Variants in DYNLT2B observed in about 807,000 individuals in gnomAD.
DYNLT2B encodes the protein dynein light chain Tctex-type protein 2B.
DYNLT2B carries 14 observed loss-of-function variants against 19.5 expected under a neutral mutation model. That is an observed-to-expected ratio of 0.72 (90% confidence interval 0.47 to 1.12). DYNLT2B has a LOEUF of 1.12. Ranked by LOEUF, DYNLT2B falls within the 50% of genes most tolerant of loss-of-function variation. The probability of loss-of-function intolerance (pLI) is 0.00; values close to 1 mark genes in which losing one functional copy is unlikely to be tolerated. For missense variants in DYNLT2B, 133 were observed against 174.7 expected, an observed-to-expected ratio of 0.76 and a Z score of 1.35; for synonymous variants, 70 against 59.7, an observed-to-expected ratio of 1.17 and a Z score of -0.79.
intron 3 of DYNLT2B, chr3:196,298,091 T>A (rs1726266594): frequency 3.4e-6 from 1 of 291,210 alleles, no homozygotes; most frequent in African/African-American, 2.2e-5. Context: ...TTCTGCAATG[T>A]CTCCTTTCCA....
intron 2 of DYNLT2B, among the ~76,000 whole-genome samples, chr3:196,313,874 G>C: frequency 6.6e-6 from 1 of 152,056 alleles, no homozygotes; most frequent in East Asian, 1.9e-4. Context: ...GAGGCGGACG[G>C]ATCACCTGAG....
intron 3 of DYNLT2B, among the ~76,000 whole-genome samples, chr3:196,303,697 C>A (rs1364842176): frequency 1.3e-5 from 2 of 151,970 alleles, no homozygotes; most frequent in Admixed American, 6.6e-5. Flanking sequence ...AAACTGTTAC[C>A]GCCAAGAAGA....
chr3:196,315,994 C>G, intron 2 of DYNLT2B, 104 bp downstream of exon 2: 1 of 1,315,476 alleles, frequency 7.6e-7, no homozygotes, highest in Non-Finnish European at 1.0e-6. Context: ...CGTGAGCCAC[C>G]ACACCTGGCC....
intron 3 of DYNLT2B, 145 bp from the exon 4 acceptor site, chr3:196,296,214 G>A: frequency 1.5e-6 from 1 of 685,706 alleles, no homozygotes; most frequent in East Asian, 2.7e-5. Flanking sequence ...ACAGAGTATT[G>A]TATTTGTACC....
intron 2 of DYNLT2B, 96 bp downstream of exon 2, chr3:196,316,002 G>A: frequency 7.3e-7 from 1 of 1,371,802 alleles, no homozygotes; most frequent in Non-Finnish European, 9.9e-7. Context: ...ACCACACCTG[G>A]CCCCAATGTC....
intron 3 of DYNLT2B, among the ~76,000 whole-genome samples, chr3:196,299,608 G>A (rs549900869): frequency 2.6e-5 from 4 of 152,102 alleles, no homozygotes; most frequent in South Asian, 2.1e-4. Flanking sequence ...AGAACTGAGC[G>A]TATCACATGG....
At chr3:196,306,836 C>A (rs1038572463) in intron 3 of DYNLT2B, 107 bp downstream of exon 3, 1 of 998,510 alleles carries the variant, frequency 1.0e-6, no homozygotes, top group Non-Finnish European at 1.5e-6. Context: ...CCATCACACC[C>A]GGCCCTTCTC....
intron 3 of DYNLT2B, chr3:196,297,913 C>A (rs77197147): frequency 1.1e-4 from 17 of 153,038 alleles, no homozygotes; most frequent in Non-Finnish European, 2.3e-4. Flanking sequence ...AGCCTACTAT[C>A]GCAGGGCATA....
rs754066002 is a variant in DYNLT2B, at chr3:196,318,138, G to A, written c.15C>T (p.Ile5=). Residue 5 remains isoleucine (I), a synonymous_variant, in exon 1 of 5, where the codon ATC becomes ATT. Coordinates refer to ENST00000325318, the MANE Select transcript of DYNLT2B (RefSeq NM_152773.5). The part of the protein sequence containing the change: MATS[I]GVSFSVGDGV... Reference sequence around the variant, plus strand: ...CGTCGCCCACCGAGAAGGACACTCCGATGGACGTGGCCATGCCGGGGCTTC... The same window carrying A: ...CGTCGCCCACCGAGAAGGACACTCCAATGGACGTGGCCATGCCGGGGCTTC... 1.3e-6 allele frequency: 2 copies of A among 1,541,606 alleles called. No individual in the cohort carries two copies. The highest frequency in any genetic ancestry group is 1.4e-5 in the African/African-American group (1 of 70,404).
chr3:196,316,916 T>TGTGTGTGTGTTGTGTG lies in DYNLT2B; in HGVS notation c.114-686_114-685insCACACAACACACACAC, dbSNP rs1726826416. ...GTGTGTGTGTGTGTGTGTTGTGTGG[T>TGTGTGTGTGTTGTGTG]GTGTGTGTGTGTTGTGTGGTGTGTG... On this transcript the variant is annotated intron_variant, in intron 1 of 4. Transcript: ENST00000325318. Among the ~76,000 whole-genome samples the TGTGTGTGTGTTGTGTG allele has an allele frequency of 8.8e-5, 12 of 137,080 alleles. 2 individuals are homozygous for TGTGTGTGTGTTGTGTG. In the South Asian group the frequency reaches 1.6e-3, roughly 18 times the overall value. 89.9% of individuals were successfully genotyped at this position (137,080 alleles called of 152,430 possible).
At chr3:196,313,623 TA>T (rs1221519593) in intron 2 of DYNLT2B, among the ~76,000 whole-genome samples, 1 of 152,182 alleles carries the variant, frequency 6.6e-6, no homozygotes, top group African/African-American at 2.4e-5. Context: ...GAACCTTCAT[TA>T]AAAAGTCTAA....
intron 2 of DYNLT2B, among the ~76,000 whole-genome samples, chr3:196,310,807 C>G (rs766375320): frequency 1.3e-4 from 20 of 152,042 alleles, no homozygotes; most frequent in Non-Finnish European, 2.9e-4. Flanking sequence ...GCGATCTCGG[C>G]TCACTGCAAC....
intron 3 of DYNLT2B, among the ~76,000 whole-genome samples, chr3:196,305,066 TAG>T (rs1726451733): frequency 6.6e-6 from 1 of 151,906 alleles, no homozygotes; most frequent in African/African-American, 2.4e-5. Flanking sequence ...TATTTTTTTG[TAG>T]AGACAGAGTT....
intron 1 of DYNLT2B, among the ~76,000 whole-genome samples, chr3:196,316,454 T>G (rs1726796031): frequency 6.6e-6 from 1 of 152,146 alleles, no homozygotes; most frequent in Non-Finnish European, 1.5e-5. Flanking sequence ...ATGCTCCATA[T>G]GAATGTTTAT....
intron 2 of DYNLT2B, among the ~76,000 whole-genome samples, chr3:196,311,221 C>G (rs1726632893): frequency 6.6e-6 from 1 of 151,816 alleles, no homozygotes; most frequent in African/African-American, 2.4e-5. Context: ...AAGGAAGAAG[C>G]CTGGGCAAAA....
intron 2 of DYNLT2B, among the ~76,000 whole-genome samples, chr3:196,309,326 C>T (rs533851569): frequency 2.6e-5 from 4 of 152,052 alleles, no homozygotes; most frequent in East Asian, 1.9e-4. Flanking sequence ...AGTGCAATGG[C>T]GTGATCTCAG....
chr3:196,302,854 G>A (rs973506922), intron 3 of DYNLT2B, among the ~76,000 whole-genome samples: 7 of 152,070 alleles, frequency 4.6e-5, no homozygotes, highest in African/African-American at 1.2e-4. Context: ...ATTCCTGGGC[G>A]TAGGCTGAAC....
At chr3:196,306,261 AAAAAG>A (rs1195821817) in intron 3 of DYNLT2B, among the ~76,000 whole-genome samples, 119 of 150,292 alleles carry the variant, frequency 7.9e-4, no homozygotes, top group African/African-American at 2.6e-3. Context: ...AAAAAAAAAA[AAAAAG>A]AAAGAAAGAA....
At chr3:196,312,693 G>A (rs1428899710) in intron 2 of DYNLT2B, among the ~76,000 whole-genome samples, 2 of 151,812 alleles carry the variant, frequency 1.3e-5, no homozygotes, top group African/African-American at 4.8e-5. Flanking sequence ...TCCTGACCTC[G>A]GGTGATCCAC....
Sources: gnomAD v4.1 joint callset for allele counts (sites outside exome capture counted in the v4.1 genomes callset) on GRCh38, gnomAD v4.1.1 for gene constraint, MANE v1.5 for transcripts, NCBI Gene and HGNC (gene_info 2026-07-23, HGNC 2026-07-21) for gene names.